Variants in CACNG2 observed in about 807,000 individuals in gnomAD.
The protein encoded by CACNG2 is voltage-dependent calcium channel gamma-2 subunit.
In CACNG2, 3 loss-of-function variants were observed where a neutral mutation model predicts 25.9. The ratio of observed to expected loss-of-function variants is 0.12; its 90% CI spans 0.05 to 0.30. The LOEUF (loss-of-function observed/expected upper bound fraction) is 0.30. Ranked by LOEUF, CACNG2 falls within the 10% of genes least tolerant of loss-of-function variation. The probability of loss-of-function intolerance (pLI) is 1.00; values close to 1 mark genes in which losing one functional copy is unlikely to be tolerated. For missense variants in CACNG2, 341 were observed against 432.5 expected (o/e 0.79, Z 1.88); for synonymous variants, 167 against 173.3 (o/e 0.96, Z 0.29).
At chr22:36,699,916 C>T (rs1937389499) in intron 1 of CACNG2, among the ~76,000 whole-genome samples, 1 of 152,238 alleles carries the variant, frequency 6.6e-6, no homozygotes, top group South Asian at 2.1e-4. Flanking sequence ...CAAGGCCCAA[C>T]TTCCTAAGGT....
rs184008614 is a variant in CACNG2, at chr22:36,607,366, C to T, written c.212-19818G>A. Among the ~76,000 whole-genome samples the T allele has an allele frequency of 2.2e-4, 34 of 152,266 alleles. 1 individual carries two copies. In the East Asian group the frequency reaches 6.6e-3, roughly 29 times the overall value. On this transcript the variant is annotated intron_variant, in intron 1 of 3. Coordinates refer to ENST00000300105, the MANE Select transcript of CACNG2 (RefSeq NM_006078.5). ...CAGGCTCAGGTGACAGGTGATCCTC[C>T]CATCTCAGCCTCCTGAGTAGCTGGG...
intron 1 of CACNG2, among the ~76,000 whole-genome samples, chr22:36,682,815 G>A (rs575595147): frequency 2.0e-5 from 3 of 152,300 alleles, no homozygotes; most frequent in African/African-American, 7.2e-5. Flanking sequence ...AGGAAATCCA[G>A]ACTGACAATA....
At chr22:36,620,249 A>C (rs1395194345) in intron 1 of CACNG2, among the ~76,000 whole-genome samples, 2 of 152,198 alleles carry the variant, frequency 1.3e-5, no homozygotes, top group African/African-American at 4.8e-5. Context: ...AAATCTTCCA[A>C]ATCTGTTTGC....
chr22:36,570,850 A>G (rs980923716), intron 2 of CACNG2, among the ~76,000 whole-genome samples: 2 of 151,544 alleles, frequency 1.3e-5, no homozygotes, highest in African/African-American at 4.9e-5. Context: ...GCCCAGATCC[A>G]GGTGGGAAGG....
chr22:36,572,000 G>A (rs1345579261), intron 2 of CACNG2, among the ~76,000 whole-genome samples: 3 of 152,040 alleles, frequency 2.0e-5, no homozygotes, highest in Non-Finnish European at 4.4e-5. Flanking sequence ...CAAAACATCA[G>A]TCCAGGCATA....
At position 36,573,006 on chromosome 22, in the gene CACNG2, T is replaced by C. The variant is rs1935257127; in HGVS notation, c.296-6513A>G. On this transcript the variant is annotated intron_variant, in intron 2 of 3. Transcript: ENST00000300105. ...CATGAAGGACATGTATGCCATCAGA[T>C]AATCACACAGCCTGGATAACGTGCT... Among the ~76,000 whole-genome samples the C allele has an allele frequency of 2.0e-5, 3 of 152,176 alleles. No individual in the cohort carries two copies. In the South Asian group the frequency reaches 6.2e-4, roughly 31 times the overall value.
chr22:36,615,848 A>G (rs1201229851), intron 1 of CACNG2, among the ~76,000 whole-genome samples: 9 of 152,190 alleles, frequency 5.9e-5, no homozygotes, highest in Admixed American at 5.9e-4. Context: ...AGTGTTAGTT[A>G]AAAAAATTGT....
intron 2 of CACNG2, 103 bp from the exon 3 acceptor site, chr22:36,566,596 G>C: frequency 8.1e-7 from 1 of 1,237,004 alleles, no homozygotes; most frequent in Non-Finnish European, 1.2e-6. Flanking sequence ...GGGGGTTTAT[G>C]GACACAGCCT....
At chr22:36,617,724 A>C (rs1354177750) in intron 1 of CACNG2, among the ~76,000 whole-genome samples, 1 of 150,498 alleles carries the variant, frequency 6.6e-6, no homozygotes, top group African/African-American at 2.5e-5. Flanking sequence ...TTAGAATCAG[A>C]CAGCCCAATG....
At chr22:36,602,203 T>C (rs1024323890) in intron 1 of CACNG2, among the ~76,000 whole-genome samples, 1 of 152,214 alleles carries the variant, frequency 6.6e-6, no homozygotes, top group African/African-American at 2.4e-5. Flanking sequence ...ATGTGTTCTT[T>C]ATAAATCTTG....
intron 1 of CACNG2, among the ~76,000 whole-genome samples, chr22:36,655,885 G>T (rs760879326): frequency 6.7e-6 from 1 of 149,276 alleles, no homozygotes; most frequent in African/African-American, 2.5e-5. Flanking sequence ...TCGGCTCACC[G>T]CAATCTCCAC....
chr22:36,565,560 T>C (rs1026033104), intron 3 of CACNG2, among the ~76,000 whole-genome samples: 8 of 151,972 alleles, frequency 5.3e-5, no homozygotes, highest in Non-Finnish European at 1.0e-4. Flanking sequence ...CTCACTGCAG[T>C]CTCAAACTCC....
chr22:36,581,739 G>A (rs1042284839), intron 2 of CACNG2, among the ~76,000 whole-genome samples: 6 of 152,094 alleles, frequency 3.9e-5, no homozygotes, highest in South Asian at 2.1e-4. Context: ...CCACTCCCTC[G>A]GTGAGTTCAT....
intron 1 of CACNG2, among the ~76,000 whole-genome samples, chr22:36,661,007 C>G (rs191751287): frequency 1.2e-4 from 18 of 152,344 alleles, no homozygotes; most frequent in African/African-American, 3.4e-4. Context: ...TGACTTCTGG[C>G]TGTGATGCCA....
chr22:36,571,605 G>A (rs1211038318), intron 2 of CACNG2, among the ~76,000 whole-genome samples: 1 of 151,914 alleles, frequency 6.6e-6, no homozygotes, highest in South Asian at 2.1e-4. Flanking sequence ...GGCTGGGCTC[G>A]GTGGCTCACA....
chr22:36,675,049 A>G (rs1304720351), intron 1 of CACNG2, among the ~76,000 whole-genome samples: 1 of 152,068 alleles, frequency 6.6e-6, no homozygotes, highest in African/African-American at 2.4e-5. Flanking sequence ...ATTAAACGAG[A>G]TAATTTATTA....
At chr22:36,565,468 A>G (rs556874280) in intron 3 of CACNG2, among the ~76,000 whole-genome samples, 2 of 150,870 alleles carry the variant, frequency 1.3e-5, no homozygotes, top group East Asian at 3.9e-4. Flanking sequence ...GAGTACTCTT[A>G]GATGTTGGTG....
chr22:36,589,927 C>T (rs1229435356), intron 1 of CACNG2, among the ~76,000 whole-genome samples: 2 of 152,210 alleles, frequency 1.3e-5, no homozygotes, highest in Non-Finnish European at 2.9e-5. Context: ...AAGCACTTCG[C>T]AAAGCACTCT....
intron 2 of CACNG2, among the ~76,000 whole-genome samples, chr22:36,575,559 G>A (rs1450708651): frequency 6.6e-6 from 1 of 152,146 alleles, no homozygotes; most frequent in Admixed American, 6.6e-5. Context: ...GGGGAGGTCA[G>A]GAGACCTGGG....
Sources: gnomAD v4.1 joint callset for allele counts (sites outside exome capture counted in the v4.1 genomes callset) on GRCh38, gnomAD v4.1.1 for gene constraint, MANE v1.5 for transcripts, NCBI Gene and HGNC (gene_info 2026-07-23, HGNC 2026-07-21) for gene names.